Variants in UNC5D observed in about 807,000 individuals in gnomAD.
UNC5D encodes unc-5 netrin receptor D, also known as netrin receptor UNC5D.
A neutral mutation model predicts 105.4 loss-of-function variants in UNC5D; 39 were observed. The observed-to-expected ratio is 0.37, with a 90% CI of 0.29 to 0.48. The LOEUF (loss-of-function observed/expected upper bound fraction) is 0.48. UNC5D is among the 20% of genes least tolerant of loss of function. The probability of loss-of-function intolerance (pLI) is 0.98; values close to 1 mark genes in which losing one functional copy is unlikely to be tolerated. For missense variants in UNC5D, 991 were observed against 1,202.4 expected (o/e 0.82, Z 2.60); for synonymous variants, 452 against 450.4 (o/e 1.00, Z -0.04).
chr8:35,419,103 A>G (rs901722207), intron 1 of UNC5D, among the ~76,000 whole-genome samples: 1 of 152,238 alleles, frequency 6.6e-6, no homozygotes, highest in Non-Finnish European at 1.5e-5. Context: ...CCCAAGTATT[A>G]CAACAAACTG....
chr8:35,704,026 G>A (rs983577917), intron 7 of UNC5D, among the ~76,000 whole-genome samples: 3 of 152,088 alleles, frequency 2.0e-5, no homozygotes, highest in Non-Finnish European at 4.4e-5. Context: ...TTCAGTAAGG[G>A]AAATGCAAGT....
intron 1 of UNC5D, among the ~76,000 whole-genome samples, chr8:35,301,194 C>T (rs779590849): frequency 5.3e-5 from 8 of 151,978 alleles, no homozygotes; most frequent in Non-Finnish European, 7.4e-5. Flanking sequence ...CCAGAAAGTA[C>T]GAAGGGGTCC....
chr8:35,717,645 C>T (rs1172800564), intron 8 of UNC5D, among the ~76,000 whole-genome samples: 1 of 152,128 alleles, frequency 6.6e-6, no homozygotes, highest in Non-Finnish European at 1.5e-5. Flanking sequence ...CAATCTCCCC[C>T]AGAAATACAA....
intron 1 of UNC5D, among the ~76,000 whole-genome samples, chr8:35,522,511 T>C (rs1813557199): frequency 6.6e-6 from 1 of 152,190 alleles, no homozygotes; most frequent in African/African-American, 2.4e-5. Flanking sequence ...GTGAACTGTT[T>C]TTGCAAAGAG....
chr8:35,448,107 A>C (rs1341947254), intron 1 of UNC5D, among the ~76,000 whole-genome samples: 2 of 152,022 alleles, frequency 1.3e-5, no homozygotes, highest in African/African-American at 2.4e-5. Flanking sequence ...TGAAATTAAT[A>C]TTTTTAAATG....
At chr8:35,625,494 C>T (rs542748748) in intron 4 of UNC5D, among the ~76,000 whole-genome samples, 11 of 152,250 alleles carry the variant, frequency 7.2e-5, no homozygotes, top group Non-Finnish European at 1.0e-4. Context: ...CTGGGAGAGC[C>T]GTTGCTGCAT....
chr8:35,554,602 C>T (rs1816400327), intron 2 of UNC5D, among the ~76,000 whole-genome samples: 1 of 152,186 alleles, frequency 6.6e-6, no homozygotes, highest in South Asian at 2.1e-4. Context: ...ATGTCATACA[C>T]ACAATAGTAA....
At chr8:35,472,925 G>A (rs1809841502) in intron 1 of UNC5D, among the ~76,000 whole-genome samples, 1 of 152,162 alleles carries the variant, frequency 6.6e-6, no homozygotes, top group African/African-American at 2.4e-5. Context: ...TCCACAGGTG[G>A]TCAATGACAC....
At chr8:35,268,305 G>A (rs556488385) in intron 1 of UNC5D, among the ~76,000 whole-genome samples, 6 of 151,944 alleles carry the variant, frequency 3.9e-5, no homozygotes, top group Non-Finnish European at 5.9e-5. Context: ...CCTGAAAAAC[G>A]TGGATGGAAC....
intron 1 of UNC5D, among the ~76,000 whole-genome samples, chr8:35,407,234 G>A (rs191429660): frequency 1.6e-4 from 24 of 152,136 alleles, no homozygotes; most frequent in Middle Eastern, 3.4e-3. Flanking sequence ...CTAAGTTTGT[G>A]TAAGTGTACT....
At chr8:35,648,361 G>A (rs1586332375) in intron 4 of UNC5D, among the ~76,000 whole-genome samples, 1 of 152,052 alleles carries the variant, frequency 6.6e-6, no homozygotes, top group African/African-American at 2.4e-5. Flanking sequence ...TATCCTCACA[G>A]GCCTGAATGC....
At chr8:35,585,421 C>G (rs1025347717) in intron 3 of UNC5D, among the ~76,000 whole-genome samples, 1 of 151,940 alleles carries the variant, frequency 6.6e-6, no homozygotes, top group East Asian at 1.9e-4. Flanking sequence ...CAAAGGTGGC[C>G]TTTCTTCGTT....
intron 4 of UNC5D, among the ~76,000 whole-genome samples, chr8:35,609,346 G>A (rs1443141256): frequency 6.6e-6 from 1 of 152,156 alleles, no homozygotes; most frequent in East Asian, 1.9e-4. Flanking sequence ...TGATTTGGAT[G>A]CTACCGTTAT....
chr8:35,310,282 A>G (rs941078735), intron 1 of UNC5D, among the ~76,000 whole-genome samples: 1 of 152,178 alleles, frequency 6.6e-6, no homozygotes, highest in African/African-American at 2.4e-5. Flanking sequence ...GATAGGGAGT[A>G]AGCTATGCAT....
At position 35,360,021 on chromosome 8, in the gene UNC5D, G is replaced by A. The variant is rs183228209; in HGVS notation, c.103+124134G>A. Among the ~76,000 whole-genome samples, 80 of 152,286 alleles carry A rather than the reference G, an allele frequency of 5.3e-4. 1 individual carries two copies. Among genetic ancestry groups the A allele is most frequent in the African/African-American group, 1.8e-3 (74 of 41,576 alleles). ...GACTTACAAAACAGTTGCAAAAACA[G>A]AAGAGTTTCAGAGTTTCTTTTTTTT... On this transcript the variant is annotated intron_variant, in intron 1 of 16. Transcript: ENST00000404895.
intron 7 of UNC5D, among the ~76,000 whole-genome samples, chr8:35,692,209 T>C (rs952801301): frequency 6.6e-6 from 1 of 152,220 alleles, no homozygotes; most frequent in Admixed American, 6.5e-5. Flanking sequence ...GTCTACACAA[T>C]AGCAGGTTTA....
At chr8:35,548,230 A>G (rs1466778507) in intron 1 of UNC5D, among the ~76,000 whole-genome samples, 2 of 152,154 alleles carry the variant, frequency 1.3e-5, no homozygotes, top group Non-Finnish European at 2.9e-5. Context: ...CATATTAACC[A>G]TCACAGTGAG....
chr8:35,782,441 C>T (rs1397221020), intron 16 of UNC5D, among the ~76,000 whole-genome samples: 4 of 151,986 alleles, frequency 2.6e-5, no homozygotes, highest in African/African-American at 9.7e-5. Flanking sequence ...ATGATGTTTT[C>T]CAGTTTATTA....
intron 7 of UNC5D, among the ~76,000 whole-genome samples, chr8:35,705,600 T>C (rs1450887304): frequency 6.6e-6 from 1 of 152,184 alleles, no homozygotes; most frequent in Non-Finnish European, 1.5e-5. Context: ...CTTCTGGTTG[T>C]ATATAATAGA....
Sources: allele counts gnomAD v4.1 joint callset (sites outside exome capture counted in the v4.1 genomes callset), GRCh38; gene constraint gnomAD v4.1.1; transcripts MANE v1.5; gene names NCBI Gene and HGNC (gene_info 2026-07-23, HGNC 2026-07-21).